UROS: variants seen among roughly 807,000 people sequenced by gnomAD.
UROS encodes the protein uroporphyrinogen III synthase.
UROS carries 18 observed loss-of-function variants against 33.0 expected under a neutral mutation model. That is an observed-to-expected ratio of 0.55 (90% CI 0.38 to 0.81). The LOEUF (loss-of-function observed/expected upper bound fraction) is 0.81, where lower values mean the gene tolerates loss of function less well. Among genes scored for constraint, UROS ranks in the 30% least tolerant of loss-of-function variants. UROS has a pLI of 0.00. For missense variants in UROS, 293 were observed against 314.9 expected, an observed-to-expected ratio of 0.93 and a Z score of 0.53; for synonymous variants, 114 against 121.1, an observed-to-expected ratio of 0.94 and a Z score of 0.38.
At chr10:125,811,228 T>C (rs530029111) in intron 5 of UROS, among the ~76,000 whole-genome samples, 4 of 152,350 alleles carry the variant, frequency 2.6e-5, no homozygotes, top group Middle Eastern at 3.4e-3. Context: ...GTGTGAAAGT[T>C]TGGAAAATGT....
chr10:125,822,018 G>C (rs912109930), intron 1 of UROS, among the ~76,000 whole-genome samples: 1 of 152,166 alleles, frequency 6.6e-6, no homozygotes, highest in African/African-American at 2.4e-5. Context: ...TGATTTATCA[G>C]ATGTTACCCT....
At chr10:125,803,804 AC>A (rs1852061831) in intron 6 of UROS, among the ~76,000 whole-genome samples, 1 of 151,606 alleles carries the variant, frequency 6.6e-6, no homozygotes, top group Non-Finnish European at 1.5e-5. Context: ...CTCCAGGAAA[AC>A]CCTCTCCTTC....
chr10:125,795,453 G>A (rs909006579), intron 8 of UROS, among the ~76,000 whole-genome samples: 5 of 152,214 alleles, frequency 3.3e-5, no homozygotes, highest in Admixed American at 1.3e-4. Flanking sequence ...TCAGAAGCTT[G>A]CCCTGGGAGA....
intron 1 of UROS, chr10:125,816,730 T>C (rs1485719500): frequency 1.7e-6 from 1 of 599,246 alleles, no homozygotes; most frequent in East Asian, 2.8e-5. Flanking sequence ...ATGTTAGCAG[T>C]TGATATCACT....
intron 9 of UROS, chr10:125,791,453 T>C (rs1421043719): frequency 6.6e-6 from 1 of 152,192 alleles, no homozygotes. Flanking sequence ...AAAGTTACCT[T>C]AGATCTAGTA....
intron 6 of UROS, among the ~76,000 whole-genome samples, chr10:125,806,655 C>T (rs1852361278): frequency 6.6e-6 from 1 of 152,198 alleles, no homozygotes; most frequent in Admixed American, 6.5e-5. Context: ...TGGATTTCCT[C>T]CTCTTCAGCA....
chr10:125,821,121 C>G (rs1440533447), intron 1 of UROS, among the ~76,000 whole-genome samples: 1 of 152,186 alleles, frequency 6.6e-6, no homozygotes, highest in Non-Finnish European at 1.5e-5. Context: ...TATGATCTAG[C>G]AATTCCCCTG....
chr10:125,803,678 C>G (rs1852046764), intron 6 of UROS, among the ~76,000 whole-genome samples: 1 of 152,250 alleles, frequency 6.6e-6, no homozygotes, highest in Admixed American at 6.5e-5. Context: ...CCAATCCAGC[C>G]TGAGTCTGAC....
chr10:125,812,174 A>C, intron 5 of UROS, 40 bp downstream of exon 5: 1 of 1,578,624 alleles, frequency 6.3e-7, no homozygotes, highest in East Asian at 2.2e-5. Flanking sequence ...GAAAAGGCTA[A>C]GCCATTTTTT....
chr10:125,785,534 T>C (rs150515045), downstream of UROS: 199 of 152,398 alleles, frequency 1.3e-3, 1 homozygote, highest in African/African-American at 4.6e-3. Flanking sequence ...AAGACTTGTA[T>C]ACAACACAAT....
At chr10:125,805,816 T>G (rs1430065068) in intron 6 of UROS, among the ~76,000 whole-genome samples, 2 of 152,116 alleles carry the variant, frequency 1.3e-5, no homozygotes, top group Non-Finnish European at 2.9e-5. Context: ...GGGCACTCAG[T>G]AAATGCTAGT....
At chr10:125,802,923 A>T (rs1177259235) in intron 6 of UROS, 5 of 1,610,260 alleles carry the variant, frequency 3.1e-6, no homozygotes, top group Non-Finnish European at 4.2e-6. Flanking sequence ...CTTGCCACCA[A>T]GGATGCGGCT....
At chr10:125,803,885 G>C (rs763747888) in intron 6 of UROS, among the ~76,000 whole-genome samples, 6 of 152,252 alleles carry the variant, frequency 3.9e-5, no homozygotes, top group African/African-American at 1.4e-4. Flanking sequence ...GGGAGGGCCT[G>C]CCCTTCTCTG....
chr10:125,793,668 T>G (rs2133819148), intron 9 of UROS: 1 of 152,348 alleles, frequency 6.6e-6, no homozygotes, highest in South Asian at 2.1e-4. Context: ...TGTCTCAGCC[T>G]CCCATGTAGC....
At chr10:125,822,014 A>C (rs563195201) in intron 1 of UROS, among the ~76,000 whole-genome samples, 1 of 152,332 alleles carries the variant, frequency 6.6e-6, no homozygotes, top group South Asian at 2.1e-4. Flanking sequence ...TCACTGATTT[A>C]TCAGATGTTA....
chr10:125,822,721 G>C (rs750112964), intron 1 of UROS, among the ~76,000 whole-genome samples: 2 of 152,146 alleles, frequency 1.3e-5, no homozygotes, highest in Non-Finnish European at 2.9e-5. Context: ...ACCTCCCTAA[G>C]TGCTGGGATT....
intron 6 of UROS, among the ~76,000 whole-genome samples, chr10:125,800,060 T>C (rs1851699744): frequency 6.6e-6 from 1 of 152,116 alleles, no homozygotes; most frequent in African/African-American, 2.4e-5. Flanking sequence ...TGATGATGAG[T>C]AATAACACTG....
chr10:125,812,221 A>T lies in UROS; in HGVS notation c.312T>A (p.Ala104=). The T allele has an allele frequency of 1.2e-6, 2 of 1,613,908 alleles. No homozygotes were observed. Among genetic ancestry groups the T allele is most frequent in the Admixed American group, 3.3e-5 (2 of 60,030 alleles). Residue 104 remains alanine, a synonymous_variant, in exon 5 of 10, where the codon GCT becomes GCA. Transcript: ENST00000368797. Reference sequence around the variant, plus strand: ...TTTACCTTGACTCCTTACCTAGAGAAGCAGTAGCATTTCCAACCACATACA... The same window carrying T: ...TTTACCTTGACTCCTTACCTAGAGATGCAGTAGCATTTCCAACCACATACA... The part of the protein sequence containing the change: ...KSVYVVGNAT[A]SLVSKIGLDT...
In UROS at chr10:125,816,213, C is replaced by T. The variant is rs771661616; in HGVS notation, c.111G>A (p.Ser37=). Residue 37 remains serine (S), a synonymous_variant, in exon 3 of 10, where the codon TCG becomes TCA. Coordinates refer to ENST00000368797, the MANE Select transcript of UROS (RefSeq NM_000375.3). ...AACTGGGAAGAGACAAAAACTCAAA[C>T]GATAAAACAGGGATCAAAGTGGCTT... ...GLEATLIPVL[S]FEFLSLPSFS... 8.1e-6 allele frequency: 13 copies of T among 1,613,994 alleles called. No individual in the cohort carries two copies. Among genetic ancestry groups the T allele is most frequent in the Admixed American group, 6.7e-5 (4 of 59,996 alleles).
Sources: gnomAD v4.1 joint callset for allele counts (sites outside exome capture counted in the v4.1 genomes callset) on GRCh38, gnomAD v4.1.1 for gene constraint, MANE v1.5 for transcripts, NCBI Gene and HGNC (gene_info 2026-07-23, HGNC 2026-07-21) for gene names.